NAA11: variants seen among roughly 807,000 people sequenced by gnomAD.
NAA11 encodes the protein N-alpha-acetyltransferase 11, NatA catalytic subunit, also known as N-alpha-acetyltransferase 11.
Under a neutral mutation model 16.1 loss-of-function variants are expected in NAA11, and 15 were observed. That is an observed-to-expected ratio of 0.93 (90% CI 0.62 to 1.44). The LOEUF is 1.44. NAA11 is among the 40% of genes most tolerant of loss of function. The pLI is 0.00. For synonymous variants in NAA11, 122 were observed against 112.4 expected, an observed-to-expected ratio of 1.09 and a Z score of -0.54; for missense variants, 298 against 291.3, an observed-to-expected ratio of 1.02 and a Z score of -0.17.
In NAA11 at chr4:79,254,645, CTTTT is replaced by C. The variant is rs55884114; in HGVS notation, c.*123-28379_*123-28376del. Among the ~76,000 whole-genome samples, 168 of 123,202 alleles carry C rather than the reference CTTTT, an allele frequency of 1.4e-3. 1 individual carries two copies. The South Asian group carries it at 0.027, about 20-fold the overall frequency. The allele number at this position is 123,202 out of a possible 152,430, so 80.8% of individuals were successfully genotyped here. On this transcript the variant is annotated intron_variant and NMD_transcript_variant, in intron 2 of 2. Coordinates refer to the NAA11 transcript ENST00000511542. ...ATATTTAAAAAGGATTTGTCCTTTT[CTTTT>C]TTTTTTTTTTACTTTTTTCTTTTAG...
At chr4:79,210,800 G>C in the NAA11 span, among the ~76,000 whole-genome samples, 1,057 of 152,240 alleles carry the variant, frequency 6.9e-3, 76 homozygotes, top group East Asian at 0.16. Context: ...GGCTCTGGAG[G>C]CAGATATACT....
chr4:79,257,462 T>C (rs1722144246), intron 2 of NAA11, among the ~76,000 whole-genome samples: 5 of 152,202 alleles, frequency 3.3e-5, no homozygotes, highest in African/African-American at 1.2e-4. Flanking sequence ...TAGTTTAGTA[T>C]TTAGTTCCTT....
At chr4:79,251,692 C>A (rs1013254788) in intron 2 of NAA11, among the ~76,000 whole-genome samples, 1 of 151,912 alleles carries the variant, frequency 6.6e-6, no homozygotes, top group Non-Finnish European at 1.5e-5. Flanking sequence ...TAATAAATGA[C>A]CTGGCCAATT....
At chr4:79,206,559 C>CATT in the NAA11 span, among the ~76,000 whole-genome samples, 2 of 152,224 alleles carry the variant, frequency 1.3e-5, no homozygotes, top group Admixed American at 1.3e-4. Context: ...TCCAAATAAG[C>CATT]ATTAGGTCAT....
chr4:79,204,805 A>G, the NAA11 span, among the ~76,000 whole-genome samples: 8 of 151,834 alleles, frequency 5.3e-5, no homozygotes, highest in Admixed American at 1.3e-4. Flanking sequence ...AAGAAAGAAC[A>G]TGCAGTATTT....
chr4:79,283,610 T>G (rs1722843694), intron 2 of NAA11, among the ~76,000 whole-genome samples: 1 of 131,162 alleles, frequency 7.6e-6, no homozygotes, highest in African/African-American at 2.7e-5. Context: ...TGGAACAAAT[T>G]ACGCACACCA....
chr4:79,226,715 G>A lies in NAA11; in HGVS notation c.*123-445C>T, dbSNP rs1432765420. On this transcript the variant is annotated intron_variant and NMD_transcript_variant, in intron 2 of 2. Transcript: ENST00000511542. ...GTCCTTGCAATAGTTTGCTGAGAAT[G>A]TTGGTTTCCAGCTTCATCCATGTCC... Among the ~76,000 whole-genome samples, 9 of 151,734 alleles carry A rather than the reference G, an allele frequency of 5.9e-5. No individual in the cohort carries two copies. In the East Asian group the frequency reaches 1.2e-3, roughly 20 times the overall value.
chr4:79,322,507 A>G (rs6846772), intron 1 of NAA11, among the ~76,000 whole-genome samples: 64 of 104,072 alleles, frequency 6.1e-4, no homozygotes, highest in African/African-American at 8.8e-4. Context: ...GTGTGTGTGT[A>G]TATATATATA....
chr4:79,234,304 C>A (rs957662768), intron 2 of NAA11, among the ~76,000 whole-genome samples: 8 of 152,110 alleles, frequency 5.3e-5, no homozygotes, highest in Non-Finnish European at 1.0e-4. Flanking sequence ...GTCTTGTAAG[C>A]AGCCATCAAT....
the NAA11 span, among the ~76,000 whole-genome samples, chr4:79,181,227 T>TCA: frequency 7.8e-6 from 1 of 128,982 alleles, no homozygotes; most frequent in Non-Finnish European, 1.7e-5. Flanking sequence ...CTTAAAGTAT[T>TCA]AAAAAAAAAA....
At chr4:79,216,161 G>T in the NAA11 span, among the ~76,000 whole-genome samples, 1 of 151,970 alleles carries the variant, frequency 6.6e-6, no homozygotes, top group African/African-American at 2.4e-5. Context: ...TGGGGAGCAA[G>T]GTAGGAGATA....
chr4:79,266,974 G>A (rs1722362682), intron 2 of NAA11, among the ~76,000 whole-genome samples: 3 of 152,162 alleles, frequency 2.0e-5, no homozygotes, highest in Admixed American at 2.0e-4. Context: ...AAAAAGCACA[G>A]TGAAAGACAA....
the NAA11 span, among the ~76,000 whole-genome samples, chr4:79,167,270 T>TAGAGAGAGAGAG: frequency 5.1e-5 from 5 of 98,472 alleles, no homozygotes; most frequent in African/African-American, 1.6e-4. Context: ...TATATATATA[T>TAGAGAGAGAGAG]AGAGAGAGAG....
At chr4:79,224,120 C>T (rs938860933), downstream of NAA11, among the ~76,000 whole-genome samples, 5 of 152,000 alleles carry the variant, frequency 3.3e-5, no homozygotes, top group Non-Finnish European at 7.4e-5. Flanking sequence ...GTCTAAGAAC[C>T]ACAGGGCGGT....
the NAA11 span, among the ~76,000 whole-genome samples, chr4:79,191,324 A>T: frequency 3.6e-5 from 5 of 137,716 alleles, no homozygotes; most frequent in African/African-American, 1.4e-4. Context: ...CTGCAACCTC[A>T]TCAGCATCTG....
chr4:79,199,925 A>G, the NAA11 span, among the ~76,000 whole-genome samples: 1 of 151,904 alleles, frequency 6.6e-6, no homozygotes, highest in East Asian at 1.9e-4. Flanking sequence ...AGTCCTCTGC[A>G]TCTATTATGG....
chr4:79,310,779 G>A (rs965170692), intron 1 of NAA11, among the ~76,000 whole-genome samples: 16 of 152,168 alleles, frequency 1.1e-4, no homozygotes, highest in Non-Finnish European at 2.1e-4. Flanking sequence ...AATAATTTAT[G>A]AAAGTTGCTT....
At chr4:79,325,043 A>G (rs1724216450) in intron 1 of NAA11, 133 bp downstream of exon 1, 2 of 727,054 alleles carry the variant, frequency 2.8e-6, no homozygotes, top group East Asian at 5.4e-5. Flanking sequence ...ACTTCTCCCT[A>G]AGGTCACCAG....
intron 2 of NAA11, among the ~76,000 whole-genome samples, chr4:79,248,480 GA>G (rs1721897196): frequency 6.6e-6 from 1 of 152,096 alleles, no homozygotes. Context: ...TGCCACCATT[GA>G]CAACATAGAT....
Sources: gnomAD v4.1 joint callset for allele counts (sites outside exome capture counted in the v4.1 genomes callset) on GRCh38, gnomAD v4.1.1 for gene constraint, MANE v1.5 for transcripts, NCBI Gene and HGNC (gene_info 2026-07-23, HGNC 2026-07-21) for gene names.